The following MAD1L1 variants were observed in gnomAD, a reference collection of about 807,000 sequenced individuals.
MAD1L1 encodes mitotic arrest deficient 1 like 1, also known as mitotic spindle assembly checkpoint protein MAD1.
Under a neutral mutation model 96.9 loss-of-function variants are expected in MAD1L1, and 95 were observed. That is an observed-to-expected ratio of 0.98 (90% CI 0.83 to 1.16). The LOEUF (loss-of-function observed/expected upper bound fraction) is 1.16, where lower values mean the gene tolerates loss of function less well. MAD1L1 is among the 50% of genes most tolerant of loss of function. The pLI is 0.00. For missense variants in MAD1L1, 1,007 were observed against 954.4 expected (o/e 1.06, Z -0.73); for synonymous variants, 473 against 396.6 (o/e 1.19, Z -2.29).
intron 17 of MAD1L1, among the ~76,000 whole-genome samples, chr7:1,925,551 G>C (rs1013966088): frequency 6.6e-6 from 1 of 152,206 alleles, no homozygotes; most frequent in African/African-American, 2.4e-5. Flanking sequence ...ACTAACAGAA[G>C]CCCCTTTTAC....
intron 11 of MAD1L1, among the ~76,000 whole-genome samples, chr7:2,135,916 C>T (rs1052641927): frequency 1.3e-5 from 2 of 152,180 alleles, no homozygotes; most frequent in Non-Finnish European, 2.9e-5. Flanking sequence ...ATTTGGGAAG[C>T]GTGGCCATGA....
At chr7:1,888,026 C>T (rs940527315) in intron 18 of MAD1L1, among the ~76,000 whole-genome samples, 18 of 132,834 alleles carry the variant, frequency 1.4e-4, no homozygotes, top group African/African-American at 3.6e-4. Context: ...TGTGTGCATG[C>T]GTGAGACTGA....
chr7:2,085,184 T>C (rs1224522748), intron 11 of MAD1L1, among the ~76,000 whole-genome samples: 1 of 152,152 alleles, frequency 6.6e-6, no homozygotes, highest in Non-Finnish European at 1.5e-5. Context: ...CACGCTCACC[T>C]CAAGCACCCA....
intron 10 of MAD1L1, among the ~76,000 whole-genome samples, chr7:2,168,697 AG>A (rs1381616293): frequency 6.6e-6 from 1 of 152,284 alleles, no homozygotes; most frequent in East Asian, 1.9e-4. Context: ...GAGAAGGCAC[AG>A]GACGATACTC....
At chr7:2,040,365 C>T (rs1005085411) in intron 12 of MAD1L1, among the ~76,000 whole-genome samples, 5 of 152,198 alleles carry the variant, frequency 3.3e-5, no homozygotes, top group East Asian at 1.9e-4. Flanking sequence ...GTGGCCCCAC[C>T]GGCACCGGGG....
At chr7:2,170,629 C>T (rs1790662638) in intron 10 of MAD1L1, among the ~76,000 whole-genome samples, 1 of 152,280 alleles carries the variant, frequency 6.6e-6, no homozygotes, top group Non-Finnish European at 1.5e-5. Flanking sequence ...AGGCAGATCC[C>T]TCCAAGTGCT....
intron 17 of MAD1L1, among the ~76,000 whole-genome samples, chr7:1,911,596 C>A (rs1217785652): frequency 6.6e-6 from 1 of 152,248 alleles, no homozygotes; most frequent in Non-Finnish European, 1.5e-5. Context: ...ACGATGTTCA[C>A]CAGCGAACTT....
At chr7:1,897,127 C>T (rs910742021) in intron 18 of MAD1L1, among the ~76,000 whole-genome samples, 6 of 123,566 alleles carry the variant, frequency 4.9e-5, no homozygotes, top group African/African-American at 1.4e-4. Context: ...GCTGTGAAGA[C>T]GGGCGGGTTG....
intron 16 of MAD1L1, among the ~76,000 whole-genome samples, chr7:1,945,703 G>A (rs1779199203): frequency 1.3e-5 from 2 of 152,222 alleles, no homozygotes; most frequent in Admixed American, 1.3e-4. Flanking sequence ...GAGGAGAACG[G>A]TCATGCAGCA....
At chr7:2,016,850 G>A (rs78208762) in intron 12 of MAD1L1, among the ~76,000 whole-genome samples, 56 of 152,402 alleles carry the variant, frequency 3.7e-4, no homozygotes, top group Non-Finnish European at 6.9e-4. Context: ...AAGGTTTATC[G>A]TGTGTCATAA....
chr7:2,142,011 T>TG lies in MAD1L1; in HGVS notation c.1073+7140dup, dbSNP rs1331194417. ...CACAGCCGTGAGCACAGAATGGGCC[T>TG]GCTCCCCTGTCACCTTGAGCAGCGC... On this transcript the variant is annotated intron_variant, in intron 11 of 18. Transcript: ENST00000265854. This position sits in a 1 kb window ranked among gnomAD's most constrained non-coding sequence, Gnocchi z 4.7. 6.6e-6 allele frequency among the ~76,000 whole-genome samples: 1 copy of TG among 152,208 alleles called. No homozygotes were observed. Among genetic ancestry groups the TG allele is most frequent in the Non-Finnish European group, 1.5e-5 (1 of 68,028 alleles).
At chr7:2,154,702 G>T (rs11767469) in intron 10 of MAD1L1, among the ~76,000 whole-genome samples, 1 of 152,132 alleles carries the variant, frequency 6.6e-6, no homozygotes, top group Non-Finnish European at 1.5e-5. Context: ...TTAGCTAGTG[G>T]AAACAGAATG....
At chr7:2,161,188 A>G (rs1214913460) in intron 10 of MAD1L1, among the ~76,000 whole-genome samples, 1 of 45,996 alleles carries the variant, frequency 2.2e-5, no homozygotes, top group Non-Finnish European at 4.3e-5. Flanking sequence ...CGCCATCTCG[A>G]CTCACTGCAA....
chr7:1,838,570 C>A (rs1783058618), intron 18 of MAD1L1: 2 of 354,144 alleles, frequency 5.6e-6, no homozygotes, highest in Non-Finnish European at 1.2e-5. Context: ...GCGAAAGATG[C>A]CAGATGCCAG....
At chr7:2,140,058 C>T (rs899407623) in intron 11 of MAD1L1, among the ~76,000 whole-genome samples, 3 of 151,794 alleles carry the variant, frequency 2.0e-5, no homozygotes, top group African/African-American at 7.3e-5. Context: ...GCCAGGCTTC[C>T]AAAGCCCTCA....
rs1221282916 is a variant in MAD1L1 at position 2,142,863 on chromosome 7, C to T, written c.1073+6289G>A. Among the ~76,000 whole-genome samples the T allele has an allele frequency of 6.6e-6, 1 of 152,202 alleles. No individual in the cohort carries two copies. The highest frequency in any genetic ancestry group is 1.5e-5 in the Non-Finnish European group (1 of 68,034). ...AAGGGCAGGCCAGAACTGGCCATCC[C>T]GATGTGCTCTCTCACCCACACTGAT... On this transcript the variant is annotated intron_variant, in intron 11 of 18. Coordinates refer to ENST00000265854, the MANE Select transcript of MAD1L1 (RefSeq NM_001013836.2). This position sits in a 1 kb window ranked among gnomAD's most constrained non-coding sequence, Gnocchi z 4.7.
At chr7:2,152,693 G>A (rs534671862) in intron 10 of MAD1L1, among the ~76,000 whole-genome samples, 30 of 152,312 alleles carry the variant, frequency 2.0e-4, no homozygotes, top group Non-Finnish European at 2.9e-4. Flanking sequence ...CTACCTGCTC[G>A]GCTGGGCTTC....
chr7:1,875,227 G>T (rs774873036), intron 18 of MAD1L1, among the ~76,000 whole-genome samples: 1 of 152,160 alleles, frequency 6.6e-6, no homozygotes, highest in Non-Finnish European at 1.5e-5. Flanking sequence ...TGCCCTGCCC[G>T]CCCCCACGGC....
chr7:2,141,043 G>A (rs34357420), intron 11 of MAD1L1, among the ~76,000 whole-genome samples: 3,542 of 152,356 alleles, frequency 0.023, 68 homozygotes, highest in Middle Eastern at 0.079. Context: ...AGCAACACAA[G>A]CTGGCTAAAG....
Sources: gnomAD v4.1 joint callset for allele counts (sites outside exome capture counted in the v4.1 genomes callset) on GRCh38, gnomAD v4.1.1 for gene constraint, Gnocchi (gnomAD v3.1) non-coding constraint, MANE v1.5 for transcripts, NCBI Gene and HGNC (gene_info 2026-07-23, HGNC 2026-07-21) for gene names.